The following PTPN14 variants were observed in gnomAD, a reference collection of about 807,000 sequenced individuals.
The protein encoded by PTPN14 is tyrosine-protein phosphatase non-receptor type 14.
Under a neutral mutation model 126.8 loss-of-function variants are expected in PTPN14, and 53 were observed. That is an observed-to-expected ratio of 0.42 (90% confidence interval 0.34 to 0.53). The LOEUF is 0.53. Among genes scored for constraint, PTPN14 ranks in the 20% least tolerant of loss-of-function variants. The probability of loss-of-function intolerance (pLI) is 0.08; values close to 1 mark genes in which losing one functional copy is unlikely to be tolerated. For missense variants in PTPN14, 1,257 were observed against 1,552.9 expected, an observed-to-expected ratio of 0.81 and a Z score of 3.20; for synonymous variants, 630 against 599.3, an observed-to-expected ratio of 1.05 and a Z score of -0.75.
chr1:214,447,939 C>T (rs186267872), intron 3 of PTPN14, among the ~76,000 whole-genome samples: 300 of 152,308 alleles, frequency 2.0e-3, no homozygotes, highest in Non-Finnish European at 3.3e-3. Context: ...TATCAACCTT[C>T]ATCTGAAATA....
At chr1:214,520,261 T>C (rs1571642082) in intron 1 of PTPN14, among the ~76,000 whole-genome samples, 1 of 151,816 alleles carries the variant, frequency 6.6e-6, no homozygotes, top group East Asian at 1.9e-4. Context: ...AAAGAAACTG[T>C]CCTCTTTTCT....
chr1:214,350,706 AATTTT>A lies in PTPN14; in HGVS notation c.*7211_*7215del, dbSNP rs1374105896. On this transcript the variant is annotated 3_prime_UTR_variant, in exon 19 of 19. Transcript: ENST00000366956. Reference sequence around the variant, plus strand: ...CAGGCATGTGCCACCATGCCTGGCTAATTTTTTTTTTTTTTTTTTTTTTTGTATTT... The same window carrying A: ...CAGGCATGTGCCACCATGCCTGGCTATTTTTTTTTTTTTTTTTTTGTATTT... 8.1e-5 allele frequency: 4 copies of A among 49,448 alleles called. No individual in the cohort carries two copies. The highest frequency in any genetic ancestry group is 2.3e-4 in the Admixed American group (1 of 4,288). The allele number at this position is 49,448 out of a possible 1,614,324, so 3.1% of individuals were successfully genotyped here.
At chr1:214,438,347 C>T (rs933108203) in intron 3 of PTPN14, among the ~76,000 whole-genome samples, 7 of 152,126 alleles carry the variant, frequency 4.6e-5, no homozygotes, top group East Asian at 1.9e-4. Flanking sequence ...CACCAGGCCG[C>T]GTCCTCTGCA....
rs1657743518 is a variant in PTPN14, at chr1:214,353,353, G to T, written c.*4569C>A. The T allele has an allele frequency of 6.6e-6, 1 of 152,064 alleles. No individual in the cohort carries two copies. The highest frequency in any genetic ancestry group is 2.4e-5 in the African/African-American group (1 of 41,390). The allele number at this position is 152,064 out of a possible 1,614,324, so 9.4% of individuals were successfully genotyped here. On this transcript the variant is annotated 3_prime_UTR_variant, in exon 19 of 19. Transcript: ENST00000366956. ...ACTTCATTTGTGTGAATTCAATGTA[G>T]TATTCAGCATGTGGCAAATTCAACT...
intron 1 of PTPN14, among the ~76,000 whole-genome samples, chr1:214,478,810 G>C (rs1177917724): frequency 6.6e-6 from 1 of 152,124 alleles, no homozygotes; most frequent in African/African-American, 2.4e-5. Context: ...AGAGCTAGCA[G>C]GTGGCAAAGG....
At chr1:214,528,060 A>C (rs1655445098) in intron 1 of PTPN14, among the ~76,000 whole-genome samples, 2 of 152,258 alleles carry the variant, frequency 1.3e-5, no homozygotes, top group African/African-American at 4.8e-5. Context: ...ATATCTTAAT[A>C]AATATTTAAT....
Position 214,464,926 on chromosome 1 carries a change from G to T in PTPN14, c.-123C>A. On this transcript the variant is annotated 5_prime_UTR_variant, in exon 2 of 19. Coordinates refer to ENST00000366956, the MANE Select transcript of PTPN14 (RefSeq NM_005401.5). ...TGCTCCTCCAGGCAGGGAAAAGGGTGTCCATGCCCAGTGTGGCCCTCTGGA... is the reference window on the plus strand; with the variant it reads ...TGCTCCTCCAGGCAGGGAAAAGGGTTTCCATGCCCAGTGTGGCCCTCTGGA... 1 of 1,233,308 alleles carries T rather than the reference G, an allele frequency of 8.1e-7. No homozygotes were observed. Among genetic ancestry groups the T allele is most frequent in the Non-Finnish European group, 1.1e-6 (1 of 892,380 alleles). The allele number at this position is 1,233,308 out of a possible 1,614,324, so 76.4% of individuals were successfully genotyped here.
chr1:214,402,457 A>AAAAAAAAAAAAAAAAAAAAC (rs1659045590), intron 6 of PTPN14, among the ~76,000 whole-genome samples: 2 of 146,186 alleles, frequency 1.4e-5, no homozygotes, highest in Non-Finnish European at 3.0e-5. Context: ...AAAAAAAAAA[A>AAAAAAAAAAAAAAAAAAAAC]AAGCCACGAT....
intron 8 of PTPN14, among the ~76,000 whole-genome samples, chr1:214,397,057 T>C (rs1047999575): frequency 1.3e-5 from 2 of 152,176 alleles, no homozygotes; most frequent in Non-Finnish European, 2.9e-5. Flanking sequence ...ATAAAAACAA[T>C]GACAGACTGG....
Position 214,391,058 on chromosome 1 carries a change from G to A in PTPN14, c.930-13C>T, listed in dbSNP as rs1312707013. The A allele has an allele frequency of 2.6e-6, 4 of 1,554,062 alleles. No individual in the cohort carries two copies. Among genetic ancestry groups the A allele is most frequent in the Admixed American group, 1.8e-5 (1 of 56,644 alleles). ...AGAATTTGACTGTCTACATGAAGAG[G>A]TGAAAAAATGAGAATGGTTATTATT... is the stretch of plus-strand genomic sequence containing the variant. On this transcript the variant is annotated splice_polypyrimidine_tract_variant and intron_variant, in intron 10 of 18. Transcript: ENST00000366956.
chr1:214,402,779 G>A lies in PTPN14; in HGVS notation c.581+104C>T, dbSNP rs1659063394. ...CACGTGGTGGAATAAATACAAGTGT[G>A]TTGGCTCAAGCCCAGAGTTGCTGAT... On this transcript the variant is annotated intron_variant, in intron 6 of 18. Transcript: ENST00000366956. 2.3e-6 allele frequency: 3 copies of A among 1,294,986 alleles called. No individual in the cohort carries two copies. In the African/African-American group the frequency reaches 4.4e-5, roughly 19 times the overall value. The allele number at this position is 1,294,986 out of a possible 1,614,324, so 80.2% of individuals were successfully genotyped here.
chr1:214,461,065 G>C (rs1298680092), intron 2 of PTPN14, among the ~76,000 whole-genome samples: 3 of 152,080 alleles, frequency 2.0e-5, no homozygotes, highest in African/African-American at 7.2e-5. Flanking sequence ...GGGGTATATG[G>C]AAATTCTCTG....
At position 214,427,276 on chromosome 1, in the gene PTPN14, CAAAAA is replaced by C. The variant is rs5741915; in HGVS notation, c.345-12555_345-12551del. On this transcript the variant is annotated intron_variant, in intron 3 of 18. Transcript: ENST00000366956. ...TTGGCGACAGAGTGAGTCTCCATCTCAAAAAAAAAAAAAAAAAAAAAAAAATTATG... is the reference window on the plus strand; with the variant it reads ...TTGGCGACAGAGTGAGTCTCCATCTCAAAAAAAAAAAAAAAAAAAATTATG... 2.3e-4 allele frequency among the ~76,000 whole-genome samples: 15 copies of C among 65,204 alleles called. No homozygotes were observed. The South Asian group carries it at 9.7e-3, about 42-fold the overall frequency. 42.8% of individuals were successfully genotyped at this position (65,204 alleles called of 152,430 possible).
chr1:214,548,773 C>T (rs1656034279), intron 1 of PTPN14, among the ~76,000 whole-genome samples: 1 of 152,160 alleles, frequency 6.6e-6, no homozygotes, highest in Non-Finnish European at 1.5e-5. Flanking sequence ...TTAGCCCATC[C>T]GTTCAGGGCA....
intron 10 of PTPN14, 78 bp from the exon 11 acceptor site, chr1:214,391,123 A>C: frequency 1.8e-6 from 2 of 1,131,322 alleles, no homozygotes; most frequent in Non-Finnish European, 1.2e-6. Context: ...GAAGGAGAGG[A>C]AGAGAATAAA....
chr1:214,520,299 C>T (rs944541982), intron 1 of PTPN14, among the ~76,000 whole-genome samples: 21 of 151,820 alleles, frequency 1.4e-4, no homozygotes, highest in African/African-American at 4.3e-4. Context: ...TACATCTAAA[C>T]CAATAAATAT....
chr1:214,405,710 A>G (rs1659151532), intron 5 of PTPN14, among the ~76,000 whole-genome samples: 1 of 152,220 alleles, frequency 6.6e-6, no homozygotes, highest in Non-Finnish European at 1.5e-5. Flanking sequence ...GCTAATAACA[A>G]TAATAATATG....
At chr1:214,485,831 T>G (rs1661098479) in intron 1 of PTPN14, among the ~76,000 whole-genome samples, 3 of 152,150 alleles carry the variant, frequency 2.0e-5, no homozygotes, top group Admixed American at 2.0e-4. Context: ...GTTCACGCCA[T>G]TCTCCTACCT....
intron 1 of PTPN14, among the ~76,000 whole-genome samples, chr1:214,515,365 AT>A (rs1199806540): frequency 1.3e-5 from 2 of 151,938 alleles, no homozygotes; most frequent in African/African-American, 4.8e-5. Flanking sequence ...TCTTTTGTTT[AT>A]TGGAGATTTG....
Sources: allele counts gnomAD v4.1 joint callset (sites outside exome capture counted in the v4.1 genomes callset), GRCh38; gene constraint gnomAD v4.1.1; transcripts MANE v1.5; gene names NCBI Gene and HGNC (gene_info 2026-07-23, HGNC 2026-07-21).